The following SGSM1 variants were observed in gnomAD, a reference collection of about 807,000 sequenced individuals.
SGSM1 encodes the protein small G protein signaling modulator 1.
SGSM1 carries 73 observed loss-of-function variants against 133.8 expected under a neutral mutation model. The ratio of observed to expected loss-of-function variants is 0.55; its 90% CI spans 0.45 to 0.66. SGSM1 has a LOEUF of 0.66. Among genes scored for constraint, SGSM1 ranks in the 30% least tolerant of loss-of-function variants. SGSM1 has a pLI of 0.00. For missense variants in SGSM1, 1,213 were observed against 1,448.1 expected, an observed-to-expected ratio of 0.84 and a Z score of 2.64; for synonymous variants, 563 against 573.0, an observed-to-expected ratio of 0.98 and a Z score of 0.25.
chr22:24,831,010 G>A (rs1264308859), intron 2 of SGSM1, among the ~76,000 whole-genome samples: 2 of 152,112 alleles, frequency 1.3e-5, no homozygotes, highest in Admixed American at 6.5e-5. Context: ...GATTAGAGGG[G>A]CTAGGCTTCT....
At chr22:24,837,948 AT>A (rs1300389885) in intron 2 of SGSM1, among the ~76,000 whole-genome samples, 1 of 152,170 alleles carries the variant, frequency 6.6e-6, no homozygotes, top group Non-Finnish European at 1.5e-5. Flanking sequence ...CTTGTTTTAT[AT>A]TTTATTATAC....
chr22:24,849,774 G>A (rs182869784), intron 4 of SGSM1, among the ~76,000 whole-genome samples: 66 of 152,306 alleles, frequency 4.3e-4, no homozygotes, highest in African/African-American at 1.5e-3. Flanking sequence ...GAGGGAACCC[G>A]GAAGAAGCGG....
At chr22:24,923,205 A>G (rs537701016) in intron 24 of SGSM1, among the ~76,000 whole-genome samples, 3 of 152,180 alleles carry the variant, frequency 2.0e-5, no homozygotes, top group Non-Finnish European at 4.4e-5. Flanking sequence ...CACTCCAGCT[A>G]ACAGTTGACA....
chr22:24,819,152 A>AAC (rs1330918279), intron 2 of SGSM1, among the ~76,000 whole-genome samples: 1 of 147,976 alleles, frequency 6.8e-6, no homozygotes, highest in East Asian at 1.9e-4. Flanking sequence ...TCAAAAAAAA[A>AAC]AAAAAACAAT....
At chr22:24,809,651 A>G (rs1048531127) in intron 2 of SGSM1, among the ~76,000 whole-genome samples, 1 of 152,126 alleles carries the variant, frequency 6.6e-6, no homozygotes, top group African/African-American at 2.4e-5. Context: ...TTATTTACTG[A>G]GGGCTGTGTG....
At chr22:24,850,576 G>C in intron 5 of SGSM1, 144 bp downstream of exon 5, 1 of 1,241,528 alleles carries the variant, frequency 8.1e-7, no homozygotes, top group Non-Finnish European at 1.1e-6. Flanking sequence ...TTGGAAACTT[G>C]GGTAGATTCA....
chr22:24,878,031 G>A lies in SGSM1; in HGVS notation c.1430+1316G>A, dbSNP rs553312924. ...TCACTATGTTGGCCAGTCTGCTCTCGAACCCCTGACCTCAAGTGATCCGCC... is the reference window on the plus strand; with the variant it reads ...TCACTATGTTGGCCAGTCTGCTCTCAAACCCCTGACCTCAAGTGATCCGCC... On this transcript the variant is annotated intron_variant, in intron 13 of 24. Transcript: ENST00000400358. Among the ~76,000 whole-genome samples the A allele has an allele frequency of 1.8e-3, 268 of 151,854 alleles. 1 individual carries two copies. Among genetic ancestry groups the A allele is most frequent in the African/African-American group, 6.1e-3 (253 of 41,422 alleles).
At chr22:24,882,752 C>G (rs1486280729) in intron 14 of SGSM1, among the ~76,000 whole-genome samples, 1 of 152,088 alleles carries the variant, frequency 6.6e-6, no homozygotes, top group Non-Finnish European at 1.5e-5. Context: ...TAAGTAAGAA[C>G]ATGTGATATT....
intron 8 of SGSM1, among the ~76,000 whole-genome samples, chr22:24,858,584 C>T (rs5760698): frequency 6.7e-6 from 1 of 148,974 alleles, no homozygotes; most frequent in Admixed American, 6.8e-5. Context: ...TGCAGTGAGC[C>T]GAGATCGCGC....
At chr22:24,922,284 C>T (rs1445324940) in intron 24 of SGSM1, among the ~76,000 whole-genome samples, 2 of 150,136 alleles carry the variant, frequency 1.3e-5, no homozygotes, top group Admixed American at 6.6e-5. Context: ...GGATTCACGC[C>T]ATTCTCCTGC....
intron 20 of SGSM1, among the ~76,000 whole-genome samples, chr22:24,902,904 G>T (rs963412609): frequency 2.0e-5 from 3 of 152,092 alleles, no homozygotes; most frequent in Non-Finnish European, 4.4e-5. Flanking sequence ...AGCCAGGCAT[G>T]ATTGTATACG....
intron 8 of SGSM1, among the ~76,000 whole-genome samples, chr22:24,856,824 A>G (rs1455988806): frequency 6.8e-6 from 1 of 147,372 alleles, no homozygotes; most frequent in Non-Finnish European, 1.5e-5. Context: ...GCTGGCATGC[A>G]GGGGTGCGAT....
chr22:24,873,224 A>C (rs559139484), intron 12 of SGSM1, among the ~76,000 whole-genome samples: 1 of 151,956 alleles, frequency 6.6e-6, no homozygotes, highest in East Asian at 1.9e-4. Flanking sequence ...CAGGCTCCCA[A>C]AGTCCTGGGA....
chr22:24,813,809 T>G (rs1408426697), intron 2 of SGSM1: 2 of 152,208 alleles, frequency 1.3e-5, no homozygotes, highest in Non-Finnish European at 2.9e-5. Context: ...TTGTACCATA[T>G]GGCTGGGTCT....
At chr22:24,807,636 C>T (rs1055135780) in intron 2 of SGSM1, among the ~76,000 whole-genome samples, 3 of 152,166 alleles carry the variant, frequency 2.0e-5, no homozygotes, top group African/African-American at 7.2e-5. Context: ...ACCTTATCAG[C>T]GCTTAGCCCA....
At chr22:24,895,806 G>C (rs1380221276) in intron 18 of SGSM1, among the ~76,000 whole-genome samples, 1 of 152,176 alleles carries the variant, frequency 6.6e-6, no homozygotes, top group Non-Finnish European at 1.5e-5. Context: ...AGCACTTTGG[G>C]AGGCCAAGGT....
At chr22:24,837,652 C>T (rs1199152530) in intron 2 of SGSM1, among the ~76,000 whole-genome samples, 1 of 151,222 alleles carries the variant, frequency 6.6e-6, no homozygotes, top group Non-Finnish European at 1.5e-5. Flanking sequence ...CGCTGGACCA[C>T]GATCCGCCTG....
At position 24,821,924 on chromosome 22, in the gene SGSM1, A is replaced by G. The variant is rs75815136; in HGVS notation, c.63+15440A>G. ...TAGGATTAATGAACCCACATGGACG[A>G]TTATCCCTCAGAGTCTGCAGTTGAC... On this transcript the variant is annotated intron_variant, in intron 2 of 24. Coordinates refer to ENST00000400358, the MANE Select transcript of SGSM1 (RefSeq NM_001098497.3). 2.1e-3 allele frequency among the ~76,000 whole-genome samples: 325 copies of G among 152,032 alleles called. 6 individuals carry two copies. In the East Asian group the frequency reaches 0.051, roughly 24 times the overall value.
At chr22:24,904,350 A>C (rs995936950) in intron 20 of SGSM1, among the ~76,000 whole-genome samples, 7 of 151,964 alleles carry the variant, frequency 4.6e-5, no homozygotes, top group Non-Finnish European at 1.5e-5. Context: ...GGAGGCCGAG[A>C]CGGGCGGGTC....
Sources: gnomAD v4.1 joint callset for allele counts (sites outside exome capture counted in the v4.1 genomes callset) on GRCh38, gnomAD v4.1.1 for gene constraint, MANE v1.5 for transcripts, NCBI Gene and HGNC (gene_info 2026-07-23, HGNC 2026-07-21) for gene names.